ANGPT4: variants seen among roughly 807,000 people sequenced by gnomAD.
ANGPT4 encodes the protein angiopoietin-4.
Under a neutral mutation model 53.0 loss-of-function variants are expected in ANGPT4, and 50 were observed. That is an observed-to-expected ratio of 0.94 (90% CI 0.75 to 1.20). The LOEUF (loss-of-function observed/expected upper bound fraction) is 1.20. ANGPT4 is among the 50% of genes most tolerant of loss of function. The pLI is 0.00. For missense variants in ANGPT4, 648 were observed against 637.1 expected (o/e 1.02, Z -0.18); for synonymous variants, 251 against 259.7 (o/e 0.97, Z 0.32).
rs546791440 is a variant in ANGPT4 at position 911,718 on chromosome 20, G to C, written c.309+4188C>G. ...CCGTCCCAGCTACTTGGAAGACTGA[G>C]GCGGGAGGATCGCTTGAGCTCAGGA... On this transcript the variant is annotated intron_variant, in intron 1 of 8. Transcript: ENST00000381922. The surrounding 1 kb of genome is among the most constrained non-coding windows in gnomAD (Gnocchi z 4.9). Among the ~76,000 whole-genome samples, 1 of 152,160 alleles carries C rather than the reference G, an allele frequency of 6.6e-6. No individual in the cohort carries two copies. Among genetic ancestry groups the C allele is most frequent in the Non-Finnish European group, 1.5e-5 (1 of 68,038 alleles).
intron 1 of ANGPT4, among the ~76,000 whole-genome samples, chr20:897,166 C>G (rs372777203): frequency 6.6e-6 from 1 of 152,172 alleles, no homozygotes. Flanking sequence ...CACCTGCACC[C>G]AGGTGATTAA....
intron 1 of ANGPT4, among the ~76,000 whole-genome samples, chr20:913,396 C>T (rs1020496718): frequency 3.9e-5 from 6 of 152,120 alleles, no homozygotes; most frequent in African/African-American, 1.4e-4. Context: ...CCGAAACCTG[C>T]TCATCTGTAG....
chr20:873,233 C>G (rs777830648), intron 8 of ANGPT4, 113 bp from the exon 9 acceptor site: 63 of 544,196 alleles, frequency 1.2e-4, no homozygotes, highest in Non-Finnish European at 1.7e-4. Flanking sequence ...GTTGCCTCCT[C>G]TGGGAAGCCA....
In ANGPT4 at chr20:872,847, C is replaced by A. The variant is rs1306150558; in HGVS notation, c.*113G>T. 7.2e-7 allele frequency: 1 copy of A among 1,392,154 alleles called. No homozygotes were observed. Among genetic ancestry groups the A allele is most frequent in the Non-Finnish European group, 9.9e-7 (1 of 1,014,088 alleles). 86.2% of individuals were successfully genotyped at this position (1,392,154 alleles called of 1,614,324 possible). On this transcript the variant is annotated 3_prime_UTR_variant, in exon 9 of 9. Coordinates refer to ENST00000381922, the MANE Select transcript of ANGPT4 (RefSeq NM_015985.4). ...GGTCAAGGAGGGCTGGCTCAGGAAG[C>A]CCAGGGTGTCAGGGAAGGCGGTGGC...
At chr20:915,739 T>C (rs1982903285) in intron 1 of ANGPT4, among the ~76,000 whole-genome samples, 167 bp downstream of exon 1, 1 of 152,138 alleles carries the variant, frequency 6.6e-6, no homozygotes, top group Non-Finnish European at 1.5e-5. Context: ...CAGCTGACAT[T>C]GCCCAATCTT....
At chr20:888,862 C>T (rs146538427) in intron 2 of ANGPT4, among the ~76,000 whole-genome samples, 5 of 152,314 alleles carry the variant, frequency 3.3e-5, no homozygotes, top group African/African-American at 1.2e-4. Context: ...AACATGTTTG[C>T]TCTGTTCAAA....
chr20:896,862 C>A (rs1348643212), intron 1 of ANGPT4, among the ~76,000 whole-genome samples: 1 of 152,096 alleles, frequency 6.6e-6, no homozygotes, highest in African/African-American at 2.4e-5. Flanking sequence ...TATGTCTGGG[C>A]CATATCTTAC....
chr20:884,720 G>A (rs1335140953), intron 4 of ANGPT4, among the ~76,000 whole-genome samples: 1 of 152,134 alleles, frequency 6.6e-6, no homozygotes. Context: ...TGAGGCCCAG[G>A]GAGGGGTAGG....
At chr20:902,949 A>G (rs1982341928) in intron 1 of ANGPT4, among the ~76,000 whole-genome samples, 1 of 152,124 alleles carries the variant, frequency 6.6e-6, no homozygotes, top group Non-Finnish European at 1.5e-5. Context: ...TCAGGCTCAG[A>G]GTCACTTCCC....
intron 6 of ANGPT4, 79 bp from the exon 7 acceptor site, chr20:878,406 G>A (rs1981259444): frequency 1.4e-6 from 2 of 1,386,104 alleles, no homozygotes; most frequent in Admixed American, 4.2e-5. Context: ...GGCTGGGCCA[G>A]GCTCCAGGGC....
At chr20:891,518 A>G (rs1386411455) in intron 1 of ANGPT4, among the ~76,000 whole-genome samples, 1 of 152,054 alleles carries the variant, frequency 6.6e-6, no homozygotes, top group African/African-American at 2.4e-5. Flanking sequence ...CCCCTCCACC[A>G]TTGCCTCTCC....
At chr20:889,719 G>T (rs1222133536) in intron 2 of ANGPT4, among the ~76,000 whole-genome samples, 1 of 152,052 alleles carries the variant, frequency 6.6e-6, no homozygotes, top group Non-Finnish European at 1.5e-5. Flanking sequence ...TGGCACACGG[G>T]GGATCAAACA....
At chr20:890,138 G>C in intron 2 of ANGPT4, 75 bp downstream of exon 2, 1 of 1,547,416 alleles carries the variant, frequency 6.5e-7, no homozygotes, top group South Asian at 1.2e-5. Context: ...CAGAGATCAA[G>C]GTAAGATGAC....
chr20:878,073 C>A, intron 7 of ANGPT4, 88 bp downstream of exon 7: 8 of 1,410,992 alleles, frequency 5.7e-6, no homozygotes, highest in Non-Finnish European at 7.6e-6. Context: ...ACCGTTGGAG[C>A]AGACTCTGTA....
At chr20:903,427 G>A (rs6133576) in intron 1 of ANGPT4, among the ~76,000 whole-genome samples, 59,558 of 151,854 alleles carry the variant, frequency 0.39, 15,194 homozygotes, top group African/African-American at 0.73. Context: ...AGCCCCCATT[G>A]TCTCTAGCAG....
At chr20:892,594 CAAA>C (rs59076723) in intron 1 of ANGPT4, among the ~76,000 whole-genome samples, 5 of 131,764 alleles carry the variant, frequency 3.8e-5, no homozygotes, top group East Asian at 2.2e-4. Flanking sequence ...GACCGTGTCT[CAAA>C]AAAAAAAAAA....
At chr20:903,380 C>T (rs1439796219) in intron 1 of ANGPT4, among the ~76,000 whole-genome samples, 2 of 152,138 alleles carry the variant, frequency 1.3e-5, no homozygotes, top group African/African-American at 2.4e-5. Context: ...AGAATCTGAC[C>T]ACTTCTGCCC....
At position 878,343 on chromosome 20, in the gene ANGPT4, C is replaced by T. The variant is rs765385171; in HGVS notation, c.1054-16G>A. Reference sequence around the variant, plus strand: ...CTCCGAAGCCCTATAGGGAGGGGAGCGTGGGGTGAGACTCATGCTGAGGAG... The same window carrying T: ...CTCCGAAGCCCTATAGGGAGGGGAGTGTGGGGTGAGACTCATGCTGAGGAG... On this transcript the variant is annotated splice_polypyrimidine_tract_variant and intron_variant, in intron 6 of 8. Coordinates refer to ENST00000381922, the MANE Select transcript of ANGPT4 (RefSeq NM_015985.4). The T allele has an allele frequency of 2.5e-5, 40 of 1,587,698 alleles. No homozygotes were observed. The East Asian group carries it at 5.0e-4, about 20-fold the overall frequency.
intron 1 of ANGPT4, among the ~76,000 whole-genome samples, chr20:912,864 C>T (rs1280048723): frequency 2.6e-5 from 4 of 152,164 alleles, no homozygotes; most frequent in African/African-American, 9.7e-5. Flanking sequence ...CTTCCCTTGC[C>T]TCCTTGACAC....
Sources: allele counts gnomAD v4.1 joint callset (sites outside exome capture counted in the v4.1 genomes callset), GRCh38; gene constraint gnomAD v4.1.1; non-coding constraint Gnocchi (gnomAD v3.1); transcripts MANE v1.5; gene names NCBI Gene and HGNC (gene_info 2026-07-23, HGNC 2026-07-21).